The following PTPN3 variants were observed in gnomAD, a reference collection of about 807,000 sequenced individuals.
The protein encoded by PTPN3 is protein tyrosine phosphatase non-receptor type 3.
In PTPN3, 96 loss-of-function variants were observed where a neutral mutation model predicts 132.7. That is an observed-to-expected ratio of 0.72 (90% CI 0.61 to 0.86). PTPN3 has a LOEUF of 0.86. Ranked by LOEUF, PTPN3 falls within the 40% of genes least tolerant of loss-of-function variation. The pLI, the probability that PTPN3 is intolerant of heterozygous loss-of-function variation, is 0.00. For missense variants in PTPN3, 1,125 were observed against 1,159.6 expected (o/e 0.97, Z 0.43); for synonymous variants, 398 against 429.0 (o/e 0.93, Z 0.89).
intron 7 of PTPN3, 103 bp downstream of exon 7, chr9:109,445,137 C>T: frequency 1.7e-6 from 2 of 1,186,904 alleles, no homozygotes; most frequent in South Asian, 1.3e-5. Context: ...CAGCAGGATT[C>T]CTGGGGAAGA....
the PTPN3 span, among the ~76,000 whole-genome samples, chr9:109,505,709 A>G: frequency 6.6e-6 from 1 of 152,096 alleles, no homozygotes; most frequent in Non-Finnish European, 1.5e-5. Context: ...TCTAGGTATT[A>G]CTGATGCTTG....
rs149752683 is a variant in PTPN3 at position 109,485,089 on chromosome 9, C to T, written c.-18+13130G>A. Among the ~76,000 whole-genome samples, 483 of 152,100 alleles carry T rather than the reference C, an allele frequency of 3.2e-3. 4 individuals carry two copies. Among genetic ancestry groups the T allele is most frequent in the African/African-American group, 0.011 (464 of 41,492 alleles). On this transcript the variant is annotated intron_variant, in intron 1 of 25. Coordinates refer to ENST00000374541, the MANE Select transcript of PTPN3 (RefSeq NM_002829.4). Reference sequence around the variant, plus strand: ...ACTAAAAATACAAAAAGTAGCCAGACGTGGTGGTGTGCATCTGTAATCCCA... The same window carrying T: ...ACTAAAAATACAAAAAGTAGCCAGATGTGGTGGTGTGCATCTGTAATCCCA...
In PTPN3 at chr9:109,420,489, G is replaced by T. The variant is rs1842820008; in HGVS notation, c.1248C>A (p.Tyr416Ter). 2 of 1,613,706 alleles carry T rather than the reference G, an allele frequency of 1.2e-6. No homozygotes were observed. The highest frequency in any genetic ancestry group is 1.7e-6 in the Non-Finnish European group (2 of 1,179,854). The change falls in exon 14 of 26, where the codon TAC becomes TAA. Residue 416 changes from tyrosine to a stop codon, truncating the protein, a stop_gained. Transcript: ENST00000374541. LOFTEE classifies it high-confidence loss of function. ...ITETEDVFYT[Y>*]KGSLAPQDSD... Reference sequence around the variant, plus strand: ...TGTCTTGAGGGGCCAGAGAGCCCTTGTACGTGTAAAATACATCTTCCGTTT... The same window carrying T: ...TGTCTTGAGGGGCCAGAGAGCCCTTTTACGTGTAAAATACATCTTCCGTTT...
rs183637807 is a variant in PTPN3, at chr9:109,383,738, T to C, written c.2254-187A>G. 1.6e-3 allele frequency among the ~76,000 whole-genome samples: 236 copies of C among 152,220 alleles called. 2 individuals are homozygous for C. The highest frequency in any genetic ancestry group is 5.4e-3 in the African/African-American group (223 of 41,538). Reference sequence around the variant, plus strand: ...GGGGTGGGGGCAGCCTGCCAGGGACTAGGCCACAGGTCTCCGCTCAGCCCC... The same window carrying C: ...GGGGTGGGGGCAGCCTGCCAGGGACCAGGCCACAGGTCTCCGCTCAGCCCC... On this transcript the variant is annotated intron_variant, in intron 22 of 25. Coordinates refer to ENST00000374541, the MANE Select transcript of PTPN3 (RefSeq NM_002829.4).
intron 1 of PTPN3, among the ~76,000 whole-genome samples, chr9:109,464,259 T>C (rs577721827): frequency 3.3e-5 from 5 of 152,322 alleles, no homozygotes; most frequent in Non-Finnish European, 5.9e-5. Context: ...TTTATTGTGA[T>C]AGAACAATTT....
chr9:109,463,165 A>G, intron 2 of PTPN3, 132 bp downstream of exon 2: 1 of 996,434 alleles, frequency 1.0e-6, no homozygotes, highest in Non-Finnish European at 1.4e-6. Context: ...GTGCAATCTC[A>G]ACATACAAGA....
At chr9:109,423,043 C>T (rs1229192877) in intron 12 of PTPN3, among the ~76,000 whole-genome samples, 191 bp from the exon 13 acceptor site, 1 of 152,216 alleles carries the variant, frequency 6.6e-6, no homozygotes, top group African/African-American at 2.4e-5. Context: ...GTGATTTCTT[C>T]TCTTCGGGTG....
chr9:109,534,654 T>A, the PTPN3 span, among the ~76,000 whole-genome samples: 62,768 of 121,654 alleles, frequency 0.52, 15,157 homozygotes, highest in East Asian at 0.85. Context: ...AAAAAAAAAA[T>A]ACCTGGGCGT....
chr9:109,376,760 G>A lies in PTPN3; in HGVS notation c.*2796C>T, dbSNP rs1838586801. ...TAAGTATAATTGCTTAAGTGTATAA[G>A]GTGGTGAAACAGGAATCTTGAGCTA... On this transcript the variant is annotated 3_prime_UTR_variant, in exon 26 of 26. Transcript: ENST00000374541. The A allele has an allele frequency of 6.6e-6, 1 of 152,204 alleles. No homozygotes were observed. Among genetic ancestry groups the A allele is most frequent in the Non-Finnish European group, 1.5e-5 (1 of 68,028 alleles). 9.4% of individuals were successfully genotyped at this position (152,204 alleles called of 1,614,324 possible).
intron 5 of PTPN3, among the ~76,000 whole-genome samples, chr9:109,452,338 T>C (rs1845312626): frequency 1.3e-5 from 2 of 151,922 alleles, no homozygotes; most frequent in Admixed American, 1.3e-4. Flanking sequence ...TTACTATAGT[T>C]TTATAAAACG....
At chr9:109,531,587 A>G in the PTPN3 span, among the ~76,000 whole-genome samples, 6 of 152,218 alleles carry the variant, frequency 3.9e-5, no homozygotes. Context: ...AATCTTTAAA[A>G]TGAGAATAAT....
At chr9:109,440,809 G>T (rs1844408061) in intron 7 of PTPN3, among the ~76,000 whole-genome samples, 1 of 152,206 alleles carries the variant, frequency 6.6e-6, no homozygotes, top group Non-Finnish European at 1.5e-5. Flanking sequence ...CAAATGTTCT[G>T]AGCTTCGAAC....
At chr9:109,537,258 C>T in the PTPN3 span, among the ~76,000 whole-genome samples, 1 of 152,192 alleles carries the variant, frequency 6.6e-6, no homozygotes, top group Non-Finnish European at 1.5e-5. Flanking sequence ...CAAAGTCTTT[C>T]TAAAAAATTA....
chr9:109,517,299 G>A, the PTPN3 span, among the ~76,000 whole-genome samples: 1 of 152,122 alleles, frequency 6.6e-6, no homozygotes, highest in Non-Finnish European at 1.5e-5. Flanking sequence ...CAGTTACATT[G>A]GATGAATGTG....
chr9:109,450,115 T>C (rs1845151892), intron 5 of PTPN3: 1 of 984,478 alleles, frequency 1.0e-6, no homozygotes, highest in Non-Finnish European at 1.2e-6. Flanking sequence ...CTTATATGTT[T>C]AATGGCTAAA....
chr9:109,533,840 T>G, the PTPN3 span: 2 of 843,440 alleles, frequency 2.4e-6, no homozygotes, highest in South Asian at 1.5e-5. Flanking sequence ...ACTCTCGCTA[T>G]TCTGGTAGTT....
chr9:109,523,115 T>C, the PTPN3 span, among the ~76,000 whole-genome samples: 5 of 149,868 alleles, frequency 3.3e-5, no homozygotes, highest in Admixed American at 6.7e-5. Flanking sequence ...TAAATTTATA[T>C]CTTTTTTTTT....
At chr9:109,440,230 G>C (rs1264126285) in intron 7 of PTPN3, among the ~76,000 whole-genome samples, 4 of 152,240 alleles carry the variant, frequency 2.6e-5, no homozygotes, top group East Asian at 3.9e-4. Flanking sequence ...ACTTGGTCAA[G>C]GTTAGACCAG....
At chr9:109,492,546 G>C (rs552633803) in intron 1 of PTPN3, among the ~76,000 whole-genome samples, 6 of 152,306 alleles carry the variant, frequency 3.9e-5, no homozygotes, top group South Asian at 2.1e-4. Context: ...TTTTGCCTTA[G>C]TTTTCCACAT....
Sources: allele counts gnomAD v4.1 joint callset (sites outside exome capture counted in the v4.1 genomes callset), GRCh38; gene constraint gnomAD v4.1.1; transcripts MANE v1.5; gene names NCBI Gene and HGNC (gene_info 2026-07-23, HGNC 2026-07-21).